The following CLMP variants were observed in gnomAD, a reference collection of about 807,000 sequenced individuals.
CLMP encodes CXADR-like membrane protein.
In CLMP, 27 loss-of-function variants were observed where a neutral mutation model predicts 45.2. That is an observed-to-expected ratio of 0.60 (90% CI 0.44 to 0.82). The LOEUF (loss-of-function observed/expected upper bound fraction) is 0.82, where lower values mean the gene tolerates loss of function less well. Among genes scored for constraint, CLMP ranks in the 40% least tolerant of loss-of-function variants. The pLI is 0.00. For missense variants in CLMP, 403 were observed against 448.4 expected, an observed-to-expected ratio of 0.90 and a Z score of 0.91; for synonymous variants, 167 against 171.4, an observed-to-expected ratio of 0.97 and a Z score of 0.20.
intron 2 of CLMP, among the ~76,000 whole-genome samples, chr11:123,094,420 G>A (rs1480510457): frequency 1.3e-5 from 2 of 152,122 alleles, no homozygotes; most frequent in South Asian, 2.1e-4. Flanking sequence ...CCAGCCCAGG[G>A]TGCCTAATTT....
intron 1 of CLMP, among the ~76,000 whole-genome samples, chr11:123,192,579 T>C (rs1461507689): frequency 6.6e-6 from 1 of 151,786 alleles, no homozygotes; most frequent in Non-Finnish European, 1.5e-5. Flanking sequence ...GTTACGGGAG[T>C]GAGGCAGGAT....
At chr11:123,150,265 C>T (rs1861295172) in intron 1 of CLMP, among the ~76,000 whole-genome samples, 1 of 150,548 alleles carries the variant, frequency 6.6e-6, no homozygotes, top group Non-Finnish European at 1.5e-5. Flanking sequence ...ACAGGTGAGA[C>T]AGATAGGCTT....
intron 6 of CLMP, among the ~76,000 whole-genome samples, chr11:123,074,150 T>C (rs1481104028): frequency 6.6e-6 from 1 of 151,996 alleles, no homozygotes; most frequent in Admixed American, 6.6e-5. Flanking sequence ...TTGAACTGTT[T>C]TATGTATATA....
intron 5 of CLMP, among the ~76,000 whole-genome samples, chr11:123,078,116 G>GA (rs995946801): frequency 2.0e-4 from 30 of 150,060 alleles, no homozygotes; most frequent in African/African-American, 2.4e-4. Context: ...CAAAAAAAAA[G>GA]AAAAAAAAAT....
chr11:123,128,881 T>A (rs1415861686), intron 1 of CLMP, among the ~76,000 whole-genome samples: 1 of 152,122 alleles, frequency 6.6e-6, no homozygotes, highest in African/African-American at 2.4e-5. Context: ...CACAACCCCA[T>A]ACAATAGGTA....
chr11:123,158,359 G>A (rs571832035), intron 1 of CLMP, among the ~76,000 whole-genome samples: 18 of 152,202 alleles, frequency 1.2e-4, no homozygotes, highest in Non-Finnish European at 2.1e-4. Flanking sequence ...TTCTCTCCTG[G>A]AGAAGGCTGT....
At chr11:123,175,809 T>G (rs1323185662) in intron 1 of CLMP, among the ~76,000 whole-genome samples, 1 of 152,232 alleles carries the variant, frequency 6.6e-6, no homozygotes, top group East Asian at 1.9e-4. Flanking sequence ...AGATCCTGCA[T>G]AGAAAGAGCT....
chr11:123,111,660 A>C (rs1040750326), intron 1 of CLMP, among the ~76,000 whole-genome samples: 1 of 152,182 alleles, frequency 6.6e-6, no homozygotes, highest in Non-Finnish European at 1.5e-5. Flanking sequence ...CTAATGGACA[A>C]AGAATGACAG....
chr11:123,185,841 C>CT (rs1315291897), intron 1 of CLMP, among the ~76,000 whole-genome samples: 1 of 152,196 alleles, frequency 6.6e-6, no homozygotes, highest in African/African-American at 2.4e-5. Flanking sequence ...TTCTTCTCAC[C>CT]TTGAGGTTTT....
intron 1 of CLMP, among the ~76,000 whole-genome samples, chr11:123,124,633 AAT>A (rs980831009): frequency 6.6e-6 from 1 of 151,970 alleles, no homozygotes; most frequent in African/African-American, 2.4e-5. Context: ...TCATTTAATA[AAT>A]ACTTATTGAA....
chr11:123,128,286 T>C (rs12281757), intron 1 of CLMP, among the ~76,000 whole-genome samples: 18,186 of 151,238 alleles, frequency 0.12, 1,279 homozygotes, highest in Admixed American at 0.17. Flanking sequence ...GGGACTTCTT[T>C]AAAAAAACAA....
chr11:123,076,066 G>A (rs760597583), intron 5 of CLMP, among the ~76,000 whole-genome samples: 19 of 152,086 alleles, frequency 1.2e-4, no homozygotes, highest in Non-Finnish European at 4.4e-5. Context: ...CCAGCTACTC[G>A]GGAGGTTAAG....
At chr11:123,111,167 T>TTG (rs1012151870) in intron 1 of CLMP, among the ~76,000 whole-genome samples, 1 of 152,032 alleles carries the variant, frequency 6.6e-6, no homozygotes, top group African/African-American at 2.4e-5. Flanking sequence ...TGTGTGGTTT[T>TTG]TGTGTGTGTG....
chr11:123,119,741 C>T (rs537485663), intron 1 of CLMP, among the ~76,000 whole-genome samples: 3 of 151,820 alleles, frequency 2.0e-5, no homozygotes, highest in Admixed American at 1.3e-4. Flanking sequence ...GACTGGAGTA[C>T]AGCGGTGCAA....
At chr11:123,169,071 A>C (rs1176336632) in intron 1 of CLMP, among the ~76,000 whole-genome samples, 1 of 152,028 alleles carries the variant, frequency 6.6e-6, no homozygotes, top group Non-Finnish European at 1.5e-5. Context: ...CTATTTTTGC[A>C]CTCTGAAAAT....
intron 2 of CLMP, among the ~76,000 whole-genome samples, chr11:123,085,595 T>TAAA (rs35921171): frequency 5.5e-4 from 45 of 82,086 alleles, no homozygotes; most frequent in African/African-American, 1.4e-3. Context: ...GCTACAAAGA[T>TAAA]AAAAAAAAAA....
In CLMP at chr11:123,070,437, A is replaced by G. The variant is rs149861768; in HGVS notation, c.*3037T>C. 101 of 152,320 alleles carry G rather than the reference A, an allele frequency of 6.6e-4. No homozygotes were observed. The highest frequency in any genetic ancestry group is 1.8e-3 in the African/African-American group (74 of 41,574). 9.4% of individuals were successfully genotyped at this position (152,320 alleles called of 1,614,324 possible). On this transcript the variant is annotated 3_prime_UTR_variant, in exon 7 of 7. Transcript: ENST00000448775. ...AATCTGTTTTATGTGTTTGTTGTAG[A>G]CTTCCATTATGGATAGATTTCCAAA...
rs1201681741 is a variant in CLMP, at chr11:123,150,565, G to A, written c.28+44348C>T. Among the ~76,000 whole-genome samples the A allele has an allele frequency of 8.0e-4, 95 of 118,990 alleles. 1 individual carries two copies. The highest frequency in any genetic ancestry group is 3.0e-3 in the African/African-American group (80 of 26,330). The allele number at this position is 118,990 out of a possible 152,430, so 78.1% of individuals were successfully genotyped here. A position where few individuals can be genotyped will look rare whatever the true frequency, so the allele number is the denominator to read the frequency against. ...CAAGGAAGGAAGGAAGGAAGGAAAG[G>A]AAGGAAGGAAGGAAGGAAAGGAAGG... On this transcript the variant is annotated intron_variant, in intron 1 of 6. Coordinates refer to ENST00000448775, the MANE Select transcript of CLMP (RefSeq NM_024769.5).
intron 1 of CLMP, among the ~76,000 whole-genome samples, chr11:123,146,627 T>G (rs1017252337): frequency 6.6e-6 from 1 of 152,136 alleles, no homozygotes; most frequent in African/African-American, 2.4e-5. Context: ...AATTTCCTCC[T>G]TCCTGCTACC....
Sources: allele counts gnomAD v4.1 joint callset (sites outside exome capture counted in the v4.1 genomes callset), GRCh38; gene constraint gnomAD v4.1.1; transcripts MANE v1.5; gene names NCBI Gene and HGNC (gene_info 2026-07-23, HGNC 2026-07-21).